Variants in ROR1 observed in about 807,000 individuals in gnomAD.
ROR1 encodes the protein inactive tyrosine-protein kinase transmembrane receptor ROR1.
In ROR1, 19 loss-of-function variants were observed where a neutral mutation model predicts 78.8. The ratio of observed to expected loss-of-function variants is 0.24; its 90% confidence interval spans 0.17 to 0.35. The LOEUF is 0.35. ROR1 is among the 10% of genes least tolerant of loss of function. The pLI is 1.00. For synonymous variants in ROR1, 386 were observed against 433.6 expected, an observed-to-expected ratio of 0.89 and a Z score of 1.36; for missense variants, 917 against 1,177.8, an observed-to-expected ratio of 0.78 and a Z score of 3.24.
At chr1:63,988,782 A>G (rs1384490296) in intron 1 of ROR1, among the ~76,000 whole-genome samples, 1 of 152,226 alleles carries the variant, frequency 6.6e-6, no homozygotes, top group Non-Finnish European at 1.5e-5. Context: ...CATAATTGTC[A>G]AGATTCATCC....
intron 1 of ROR1, among the ~76,000 whole-genome samples, chr1:63,951,954 A>G (rs961119449): frequency 6.6e-6 from 1 of 152,194 alleles, no homozygotes; most frequent in Non-Finnish European, 1.5e-5. Flanking sequence ...ATTAAATATC[A>G]ATTTACTGAG....
At chr1:63,904,386 G>A (rs184464172) in intron 1 of ROR1, among the ~76,000 whole-genome samples, 92 of 152,246 alleles carry the variant, frequency 6.0e-4, no homozygotes, top group Middle Eastern at 3.4e-3. Flanking sequence ...CACAGTCCCA[G>A]GCTCTTTTCC....
intron 1 of ROR1, among the ~76,000 whole-genome samples, chr1:63,809,803 C>A (rs1644849815): frequency 4.6e-5 from 7 of 152,130 alleles, no homozygotes; most frequent in Admixed American, 4.6e-4. Context: ...TTTCCAAAGT[C>A]AAGAATACGT....
At chr1:64,113,829 A>G (rs1226340874) in intron 4 of ROR1, 2 of 151,984 alleles carry the variant, frequency 1.3e-5, no homozygotes, top group East Asian at 1.9e-4. Flanking sequence ...AAAAGAAAGC[A>G]TAAAGTTTAA....
intron 1 of ROR1, among the ~76,000 whole-genome samples, chr1:63,935,776 TG>T (rs1645789368): frequency 6.6e-6 from 1 of 152,224 alleles, no homozygotes; most frequent in Non-Finnish European, 1.5e-5. Context: ...TCACATTTGT[TG>T]GTTAACTTTG....
intron 1 of ROR1, among the ~76,000 whole-genome samples, chr1:63,991,204 G>A (rs923759213): frequency 4.6e-5 from 7 of 151,996 alleles, no homozygotes; most frequent in Non-Finnish European, 1.0e-4. Flanking sequence ...TTCTGACTTG[G>A]CCTCCCAAAG....
chr1:64,018,431 A>G (rs572708297), intron 2 of ROR1, among the ~76,000 whole-genome samples: 6 of 152,230 alleles, frequency 3.9e-5, no homozygotes, highest in Non-Finnish European at 8.8e-5. Flanking sequence ...CCCAGCTCAC[A>G]CTTCACCACT....
chr1:64,003,763 G>A (rs936725517), intron 1 of ROR1, among the ~76,000 whole-genome samples: 2 of 152,158 alleles, frequency 1.3e-5, no homozygotes, highest in Admixed American at 6.5e-5. Context: ...CCAAACAGGC[G>A]CCTTTGGTTG....
intron 4 of ROR1, among the ~76,000 whole-genome samples, chr1:64,070,569 C>T (rs528379288): frequency 6.6e-6 from 1 of 152,308 alleles, no homozygotes; most frequent in African/African-American, 2.4e-5. Flanking sequence ...ATCCTCGCAC[C>T]TCAGCCTCCC....
rs138527851 is a variant in ROR1 at position 63,975,649 on chromosome 1, C to A, written c.92-33656C>A. ...GAAGCGGTGCCACAGTGTCCCCACC[C>A]TGTGCCAAAGCAAATTTCTGAGCGT... On this transcript the variant is annotated intron_variant, in intron 1 of 8. Transcript: ENST00000371079. Among the ~76,000 whole-genome samples, 432 of 152,270 alleles carry A rather than the reference C, an allele frequency of 2.8e-3. 2 individuals are homozygous for A. Among genetic ancestry groups the A allele is most frequent in the African/African-American group, 0.01 (419 of 41,554 alleles).
intron 1 of ROR1, among the ~76,000 whole-genome samples, chr1:63,958,699 C>T (rs938231030): frequency 3.9e-5 from 6 of 152,156 alleles, no homozygotes; most frequent in Non-Finnish European, 5.9e-5. Context: ...TTCTGCTACA[C>T]CTATGTCCGT....
intron 2 of ROR1, among the ~76,000 whole-genome samples, chr1:64,043,477 A>C (rs1462787123): frequency 6.6e-6 from 1 of 152,224 alleles, no homozygotes; most frequent in Admixed American, 6.5e-5. Context: ...TTTCTGGTTC[A>C]TTAAGCCTCA....
At chr1:64,152,419 T>A (rs1203744755) in intron 7 of ROR1, among the ~76,000 whole-genome samples, 1 of 152,206 alleles carries the variant, frequency 6.6e-6, no homozygotes, top group Non-Finnish European at 1.5e-5. Flanking sequence ...ACGATGTTCT[T>A]GATCATTACC....
At chr1:64,123,847 A>T (rs559349662) in intron 4 of ROR1, among the ~76,000 whole-genome samples, 1 of 152,256 alleles carries the variant, frequency 6.6e-6, no homozygotes, top group South Asian at 2.1e-4. Context: ...AAATGTGCAT[A>T]CCTTTTACCC....
intron 1 of ROR1, among the ~76,000 whole-genome samples, chr1:63,929,284 A>G (rs1645732670): frequency 1.3e-5 from 2 of 152,148 alleles, no homozygotes; most frequent in Admixed American, 6.6e-5. Context: ...GAATTTTGCA[A>G]TGTTACAAGC....
chr1:64,070,815 A>G (rs553494744), intron 4 of ROR1, among the ~76,000 whole-genome samples: 1 of 152,310 alleles, frequency 6.6e-6, no homozygotes, highest in East Asian at 1.9e-4. Flanking sequence ...GGAGAAATGG[A>G]CGATAAACAT....
At chr1:64,076,520 A>T (rs1647051433) in intron 4 of ROR1, among the ~76,000 whole-genome samples, 1 of 152,222 alleles carries the variant, frequency 6.6e-6, no homozygotes, top group African/African-American at 2.4e-5. Flanking sequence ...AATTTAGAGA[A>T]TGCCACCAAG....
In ROR1 at chr1:63,777,290, G is replaced by A. The variant is rs1015265588; in HGVS notation, c.91+2782G>A. On this transcript the variant is annotated intron_variant, in intron 1 of 8. Coordinates refer to ENST00000371079, the MANE Select transcript of ROR1 (RefSeq NM_005012.4). ...TTTGCTATCATTTTGTAAACCTTCC[G>A]TTGCCATTTAAATAGGTATTTGTCT... Among the ~76,000 whole-genome samples the A allele has an allele frequency of 7.2e-5, 11 of 152,250 alleles. No homozygotes were observed. The South Asian group carries it at 8.3e-4, about 11-fold the overall frequency.
chr1:64,085,811 C>A (rs1772616), intron 4 of ROR1, among the ~76,000 whole-genome samples: 54,981 of 151,922 alleles, frequency 0.36, 13,159 homozygotes, highest in African/African-American at 0.68. Flanking sequence ...ATAATAAAAA[C>A]CATGTGCTCA....
Sources: allele counts gnomAD v4.1 joint callset (sites outside exome capture counted in the v4.1 genomes callset), GRCh38; gene constraint gnomAD v4.1.1; transcripts MANE v1.5; gene names NCBI Gene and HGNC (gene_info 2026-07-23, HGNC 2026-07-21).